Variants in UBR3 observed in about 807,000 individuals in gnomAD.
UBR3 encodes the protein ubiquitin protein ligase E3 component n-recognin 3, also known as E3 ubiquitin-protein ligase UBR3.
A neutral mutation model predicts 243.2 loss-of-function variants in UBR3; 85 were observed. That is an observed-to-expected ratio of 0.35 (90% CI 0.29 to 0.42). The LOEUF is 0.42. Among genes scored for constraint, UBR3 ranks in the 10% least tolerant of loss-of-function variants. UBR3 has a pLI of 1.00. For missense variants in UBR3, 1,686 were observed against 2,300.8 expected, an observed-to-expected ratio of 0.73 and a Z score of 5.47; for synonymous variants, 748 against 799.8, an observed-to-expected ratio of 0.94 and a Z score of 1.09.
intron 30 of UBR3, among the ~76,000 whole-genome samples, chr2:170,017,403 C>A (rs1359959959): frequency 6.6e-6 from 1 of 151,938 alleles, no homozygotes; most frequent in Non-Finnish European, 1.5e-5. Context: ...AAGAATATCA[C>A]ACTTTTGAAA....
At chr2:170,012,594 C>T (rs2090117533) in intron 29 of UBR3, among the ~76,000 whole-genome samples, 1 of 151,884 alleles carries the variant, frequency 6.6e-6, no homozygotes, top group East Asian at 1.9e-4. Flanking sequence ...TTCTTTCTGT[C>T]CCAGGAAAGC....
Position 169,858,391 on chromosome 2 carries a change from A to G in UBR3, c.546-13845A>G, listed in dbSNP as rs570332876. ...TTGTTTGAAAAGCTTTTTTATTTTTATTTTTTAAGAGACTGGGTGTTGCTA... is the reference window on the plus strand; with the variant it reads ...TTGTTTGAAAAGCTTTTTTATTTTTGTTTTTTAAGAGACTGGGTGTTGCTA... On this transcript the variant is annotated intron_variant, in intron 1 of 38. Transcript: ENST00000272793. 5.3e-5 allele frequency among the ~76,000 whole-genome samples: 8 copies of G among 151,950 alleles called. No homozygotes were observed. The South Asian group carries it at 1.7e-3, about 32-fold the overall frequency.
intron 31 of UBR3, among the ~76,000 whole-genome samples, chr2:170,029,687 A>G (rs2090619419): frequency 2.0e-5 from 3 of 152,080 alleles, no homozygotes; most frequent in Admixed American, 2.0e-4. Context: ...TATGCAGATT[A>G]AATAGTCAAG....
At chr2:170,077,166 G>T in intron 36 of UBR3, 1 of 612,080 alleles carries the variant, frequency 1.6e-6, no homozygotes, top group Non-Finnish European at 3.2e-6. Flanking sequence ...AAACATCACA[G>T]TAATGGCAGT....
intron 36 of UBR3, among the ~76,000 whole-genome samples, chr2:170,078,501 C>G (rs976237825): frequency 6.6e-6 from 1 of 152,172 alleles, no homozygotes; most frequent in African/African-American, 2.4e-5. Flanking sequence ...CCCATATATA[C>G]TGGTTGCTGT....
intron 10 of UBR3, among the ~76,000 whole-genome samples, chr2:169,911,370 A>G (rs1190156646): frequency 3.3e-5 from 5 of 152,160 alleles, no homozygotes; most frequent in African/African-American, 1.2e-4. Flanking sequence ...GTGTTAACCT[A>G]TGATACAGAG....
chr2:169,895,070 A>C (rs1042570903), intron 6 of UBR3, 111 bp from the exon 7 acceptor site: 2 of 1,035,744 alleles, frequency 1.9e-6, no homozygotes, highest in Non-Finnish European at 2.6e-6. Context: ...TATTGTAAGG[A>C]TATTTTTAAC....
intron 1 of UBR3, among the ~76,000 whole-genome samples, chr2:169,835,994 T>TCCCCCC (rs1491528385): frequency 2.3e-3 from 14 of 5,992 alleles, no homozygotes; most frequent in Non-Finnish European, 3.6e-3. Flanking sequence ...GTGTGCACTG[T>TCCCCCC]CTCTCTCTCT....
At chr2:169,906,239 A>T (rs1447594666) in intron 10 of UBR3, 75 bp downstream of exon 10, 1 of 1,456,214 alleles carries the variant, frequency 6.9e-7, no homozygotes, top group Admixed American at 2.7e-5. Context: ...GTTCATTTGT[A>T]TATAATGTGC....
intron 5 of UBR3, among the ~76,000 whole-genome samples, chr2:169,882,184 A>G (rs1227919592): frequency 7.7e-6 from 1 of 129,690 alleles, no homozygotes; most frequent in Non-Finnish European, 1.6e-5. Flanking sequence ...TGTAATATGC[A>G]TGTGTAATAA....
At chr2:169,953,848 C>T (rs1051653114) in intron 23 of UBR3, among the ~76,000 whole-genome samples, 6 of 152,256 alleles carry the variant, frequency 3.9e-5, no homozygotes, top group South Asian at 2.1e-4. Flanking sequence ...TACAGATTTA[C>T]GAACTAGTGA....
chr2:169,898,261 T>C (rs2084666559), intron 8 of UBR3, among the ~76,000 whole-genome samples: 1 of 152,232 alleles, frequency 6.6e-6, no homozygotes, highest in South Asian at 2.1e-4. Context: ...TTTCTCCTTA[T>C]ACTGATAATC....
chr2:169,881,706 ATATATG>A (rs1278420338), intron 5 of UBR3, among the ~76,000 whole-genome samples: 59 of 134,270 alleles, frequency 4.4e-4, no homozygotes, highest in Middle Eastern at 3.8e-3. Flanking sequence ...ATATATAATT[ATATATG>A]TATATGTATA....
In UBR3 at chr2:169,906,178, A is replaced by G. The variant is rs2085001996; in HGVS notation, c.1779+14A>G. The G allele has an allele frequency of 4.6e-6, 7 of 1,525,188 alleles. No individual in the cohort carries two copies. The highest frequency in any genetic ancestry group is 6.1e-6 in the Non-Finnish European group (7 of 1,138,656). The allele number at this position is 1,525,188 out of a possible 1,614,324, so 94.5% of individuals were successfully genotyped here. On this transcript the variant is annotated intron_variant, in intron 10 of 38. Transcript: ENST00000272793. ...TGTAAAGTTAGGGTATGTTGGAAAT[A>G]TTTTTGTTAATTTCTGTGTTTAAGA...
At chr2:170,019,155 TG>T (rs2090322787) in intron 30 of UBR3, among the ~76,000 whole-genome samples, 1 of 104,114 alleles carries the variant, frequency 9.6e-6, no homozygotes, top group Non-Finnish European at 2.1e-5. Flanking sequence ...AGATTAAAAA[TG>T]AAATGTTAGT....
intron 5 of UBR3, among the ~76,000 whole-genome samples, chr2:169,881,852 CGTATATGTGTATATGTATACATATAG>C: frequency 7.7e-6 from 1 of 130,238 alleles, no homozygotes; most frequent in African/African-American, 2.9e-5. Context: ...TATACATATA[CGTATATGTGTATATGTATACATATAG>C]GTATATGTGT....
chr2:169,846,064 A>G (rs1343189221), intron 1 of UBR3, among the ~76,000 whole-genome samples: 1 of 143,734 alleles, frequency 7.0e-6, no homozygotes, highest in Non-Finnish European at 1.6e-5. Context: ...ATAAATGTCA[A>G]TTTAGTCAAG....
At chr2:170,063,844 A>G (rs189374244) in intron 35 of UBR3, among the ~76,000 whole-genome samples, 2 of 152,316 alleles carry the variant, frequency 1.3e-5, no homozygotes, top group East Asian at 3.9e-4. Context: ...ATATTGTAAT[A>G]TAAAGATTTC....
chr2:170,081,689 G>A, intron 38 of UBR3, 37 bp from the exon 39 acceptor site: 1 of 1,459,352 alleles, frequency 6.9e-7, no homozygotes, highest in Non-Finnish European at 9.4e-7. Context: ...AATCTTCCGT[G>A]TATGATATTA....
Sources: gnomAD v4.1 joint callset for allele counts (sites outside exome capture counted in the v4.1 genomes callset) on GRCh38, gnomAD v4.1.1 for gene constraint, MANE v1.5 for transcripts, NCBI Gene and HGNC (gene_info 2026-07-23, HGNC 2026-07-21) for gene names.